The following RELL1 variants were observed in gnomAD, a reference collection of about 807,000 sequenced individuals.
RELL1 encodes RELT-like protein 1.
A neutral mutation model predicts 23.0 loss-of-function variants in RELL1; 10 were observed. The ratio of observed to expected loss-of-function variants is 0.43; its 90% CI spans 0.27 to 0.74. The LOEUF is 0.74. Ranked by LOEUF, RELL1 falls within the 30% of genes least tolerant of loss-of-function variation. The pLI, the probability that RELL1 is intolerant of heterozygous loss-of-function variation, is 0.19. For synonymous variants in RELL1, 146 were observed against 146.8 expected (o/e 0.99, Z 0.04); for missense variants, 315 against 364.4 (o/e 0.86, Z 1.10).
chr4:37,623,216 G>A (rs1339401677), intron 6 of RELL1: 1 of 218,660 alleles, frequency 4.6e-6, no homozygotes, highest in Non-Finnish European at 9.3e-6. Context: ...AAACTGAATG[G>A]CTCACACACC....
rs893900967 is a variant in RELL1, at chr4:37,644,517, A to G, written c.385+2851T>C. 2.7e-5 allele frequency among the ~76,000 whole-genome samples: 4 copies of G among 150,778 alleles called. No homozygotes were observed. In the East Asian group the frequency reaches 5.9e-4, roughly 22 times the overall value. On this transcript the variant is annotated intron_variant, in intron 3 of 6. Coordinates refer to ENST00000454158, the MANE Select transcript of RELL1 (RefSeq NM_001085400.2). The stretch of plus-strand genomic sequence containing the variant: ...CACTCTGTCGCCCAGGCTGGAGTGC[A>G]GTGACAGTGCAATCTTGGCTCACTG...
chr4:37,621,691 T>C (rs944558277), intron 6 of RELL1, among the ~76,000 whole-genome samples: 2 of 151,992 alleles, frequency 1.3e-5, no homozygotes, highest in African/African-American at 4.8e-5. Context: ...GTGATAGGGA[T>C]AAAGAGGAAG....
chr4:37,644,017 G>A (rs10005431), intron 3 of RELL1, among the ~76,000 whole-genome samples: 19,341 of 152,158 alleles, frequency 0.13, 1,341 homozygotes, highest in Middle Eastern at 0.2. Flanking sequence ...AGGAGAAGAG[G>A]GGACCCGGGG....
chr4:37,651,640 A>G (rs935055608), intron 1 of RELL1, among the ~76,000 whole-genome samples: 1 of 152,212 alleles, frequency 6.6e-6, no homozygotes, highest in Non-Finnish European at 1.5e-5. Flanking sequence ...AGAATTTTAA[A>G]GCTTGAAAGC....
downstream of RELL1, among the ~76,000 whole-genome samples, chr4:37,587,110 CTCT>C (rs1718377049): frequency 6.6e-6 from 1 of 152,060 alleles, no homozygotes; most frequent in Admixed American, 6.6e-5. Flanking sequence ...GCTGCCAGTA[CTCT>C]TGGTTTGTGA....
chr4:37,683,576 G>C (rs943231701), intron 1 of RELL1, among the ~76,000 whole-genome samples: 19 of 151,928 alleles, frequency 1.3e-4, no homozygotes, highest in African/African-American at 4.6e-4. Flanking sequence ...AGCCAACATG[G>C]GGAAGCCCCG....
At chr4:37,587,238 C>T (rs2109457625), downstream of RELL1, among the ~76,000 whole-genome samples, 2 of 152,184 alleles carry the variant, frequency 1.3e-5, no homozygotes, top group South Asian at 4.1e-4. Flanking sequence ...ATTTAGAGTC[C>T]ACCCAGATAA....
chr4:37,642,828 C>A (rs1286121026), intron 3 of RELL1, among the ~76,000 whole-genome samples: 1 of 152,116 alleles, frequency 6.6e-6, no homozygotes, highest in East Asian at 1.9e-4. Context: ...CTGGACAAAA[C>A]AACTCTTGAA....
chr4:37,669,877 A>G (rs1339296860), intron 1 of RELL1, among the ~76,000 whole-genome samples: 3 of 151,444 alleles, frequency 2.0e-5, no homozygotes, highest in Non-Finnish European at 3.0e-5. Context: ...CCTAATCTCA[A>G]GTACCCAGGG....
chr4:37,635,934 G>T (rs896493171), intron 4 of RELL1, among the ~76,000 whole-genome samples: 2 of 152,188 alleles, frequency 1.3e-5, no homozygotes, highest in African/African-American at 4.8e-5. Context: ...AAGCCTTTAG[G>T]CAAAGATATC....
At chr4:37,631,358 C>T (rs751296212) in intron 6 of RELL1, 27 bp downstream of exon 6, 2 of 1,604,984 alleles carry the variant, frequency 1.2e-6, no homozygotes, top group Admixed American at 3.4e-5. Flanking sequence ...CCACTCTGCC[C>T]CCAATGTCAC....
rs71189095 is a variant in RELL1 at position 37,673,186 on chromosome 4, C to CTTTTTTTTTTTT, written c.88+13002_88+13013dup. Among the ~76,000 whole-genome samples the CTTTTTTTTTTTT allele has an allele frequency of 2.0e-3, 189 of 93,188 alleles. 9 individuals carry two copies. The highest frequency in any genetic ancestry group is 2.9e-3 in the South Asian group (7 of 2,380). The allele number at this position is 93,188 out of a possible 152,430, so 61.1% of individuals were successfully genotyped here. On this transcript the variant is annotated intron_variant, in intron 1 of 6. Coordinates refer to ENST00000454158, the MANE Select transcript of RELL1 (RefSeq NM_001085400.2). The stretch of plus-strand genomic sequence containing the variant: ...CATCAAGACTATATACTTTTTTTTT[C>CTTTTTTTTTTTT]TTTTTTTTTTTTTTTTTTTTTGAGA...
At chr4:37,591,605 T>C (rs1183288519) in intron 6 of RELL1, 2 of 152,218 alleles carry the variant, frequency 1.3e-5, no homozygotes, top group Admixed American at 1.3e-4. Flanking sequence ...AAACAAAGGG[T>C]TAGTCATTAG....
chr4:37,608,694 G>A (rs1719295234), downstream of RELL1, among the ~76,000 whole-genome samples: 1 of 148,414 alleles, frequency 6.7e-6, no homozygotes, highest in Admixed American at 6.7e-5. Flanking sequence ...CACCCAGGCT[G>A]GTGTGCAGTG....
Position 37,605,259 on chromosome 4 carries a change from GTA to G in RELL1, c.*4-14044_*4-14043del, listed in dbSNP as rs1223378622. On this transcript the variant is annotated intron_variant, in intron 6 of 6. Coordinates refer to the RELL1 transcript ENST00000314117. ...TCCGCATGGGTTGGTGTGTGTGTAT[GTA>G]TATATGTGTGTACAGGGGGCCTAGT... Among the ~76,000 whole-genome samples, 3 of 152,166 alleles carry G rather than the reference GTA, an allele frequency of 2.0e-5. No individual in the cohort carries two copies. In the East Asian group the frequency reaches 5.8e-4, roughly 29 times the overall value.
chr4:37,598,078 A>AATATATATATATATCTATATAT (rs1718918993), intron 6 of RELL1, among the ~76,000 whole-genome samples: 1 of 126,752 alleles, frequency 7.9e-6, no homozygotes. Context: ...TATATATCAT[A>AATATATATATATATCTATATAT]ATATATATAT....
chr4:37,671,944 A>G (rs1721849288), intron 1 of RELL1, among the ~76,000 whole-genome samples: 1 of 152,114 alleles, frequency 6.6e-6, no homozygotes, highest in African/African-American at 2.4e-5. Context: ...GAAGCATACA[A>G]CTCAGATACA....
intron 6 of RELL1, among the ~76,000 whole-genome samples, chr4:37,598,718 T>A (rs1718942372): frequency 6.6e-6 from 1 of 151,868 alleles, no homozygotes; most frequent in Non-Finnish European, 1.5e-5. Flanking sequence ...GGAGTCTCGC[T>A]CTGTCACCCA....
chr4:37,686,154 G>C (rs762367865), intron 1 of RELL1, 46 bp downstream of exon 1: 16 of 1,501,788 alleles, frequency 1.1e-5, no homozygotes, highest in Non-Finnish European at 9.0e-6. Context: ...CGCGCTCCCG[G>C]GACCGGGCTC....
Sources: allele counts gnomAD v4.1 joint callset (sites outside exome capture counted in the v4.1 genomes callset), GRCh38; gene constraint gnomAD v4.1.1; transcripts MANE v1.5; gene names NCBI Gene and HGNC (gene_info 2026-07-23, HGNC 2026-07-21).